Variants in MYH1 observed in about 807,000 individuals in gnomAD.
MYH1 encodes the protein myosin heavy chain 1, also known as myosin-1.
In MYH1, 214 loss-of-function variants were observed where a neutral mutation model predicts 225.6. That is an observed-to-expected ratio of 0.95 (90% CI 0.85 to 1.06). MYH1 has a LOEUF of 1.06. Among genes scored for constraint, MYH1 ranks in the 50% least tolerant of loss-of-function variants. The probability of loss-of-function intolerance (pLI) is 0.00; values close to 1 mark genes in which losing one functional copy is unlikely to be tolerated. For missense variants in MYH1, 2,098 were observed against 2,344.2 expected (o/e 0.89, Z 2.17); for synonymous variants, 774 against 842.3 (o/e 0.92, Z 1.40).
chr17:10,496,004 G>A lies in MYH1; in HGVS notation c.5115C>T (p.Ile1705=), dbSNP rs145122906. 13 of 1,614,028 alleles carry A rather than the reference G, an allele frequency of 8.1e-6. No individual in the cohort carries two copies. In the South Asian group the frequency reaches 9.9e-5, roughly 12 times the overall value. ...TGGCATCCAGGAGCTCCTGTTCTGC[G>A]ATTTTCCTGCTCCTCTCTGTCTGTT... ...TLEQTERSRK[I]AEQELLDASE... is the part of the protein sequence containing the mutation. The change falls in exon 35 of 40, where the codon ATC becomes ATT. Residue 1705 remains isoleucine (I), a synonymous_variant. Transcript: ENST00000226207.
Position 10,492,420 on chromosome 17 carries a change from T to C in MYH1, c.5816A>G (p.Glu1939Gly), listed in dbSNP as rs985793688. The change falls in exon 40 of 40, where the codon GAG becomes GGG. Residue 1939 changes from glutamate to glycine, a missense_variant. Coordinates refer to ENST00000226207, the MANE Select transcript of MYH1 (RefSeq NM_005963.4). ...ACCTTTCAGCAGTTAGATAAATTAC[T>C]CTTCACTTATGATTTTTGTGTGAAC... is the stretch of plus-strand genomic sequence containing the variant. Reference protein sequence around the residue: ...REVHTKIISEE With the variant: ...REVHTKIISEG The C allele has an allele frequency of 1.2e-6, 2 of 1,613,794 alleles. No homozygotes were observed. The highest frequency in any genetic ancestry group is 1.7e-6 in the Non-Finnish European group (2 of 1,179,918).
Position 10,494,614 on chromosome 17 carries a change from C to G in MYH1, c.5526G>C (p.Lys1842Asn). ...SEQKRNVEAVKGLRKHERKVK... is the reference protein window; with the variant it reads ...SEQKRNVEAVNGLRKHERKVK... The stretch of plus-strand genomic sequence containing the variant: ...CTTTTCTCTCATGTTTGCGTAGACC[C>G]TTGACAGCTTCAACATTGCGCTTCT... The change falls in exon 38 of 40, where the codon AAG becomes AAC. Residue 1842 changes from lysine (K) to asparagine (N), a missense_variant. Transcript: ENST00000226207. 22 of 1,614,066 alleles carry G rather than the reference C, an allele frequency of 1.4e-5. No homozygotes were observed. The highest frequency in any genetic ancestry group is 1.9e-5 in the Non-Finnish European group (22 of 1,180,016).
At chr17:10,506,503 T>G (rs2142269398) in intron 17 of MYH1, among the ~76,000 whole-genome samples, 1 of 152,214 alleles carries the variant, frequency 6.6e-6, no homozygotes, top group South Asian at 2.1e-4. Flanking sequence ...CTTCTTTTTT[T>G]TTTTTCTGAG....
chr17:10,509,695 A>G, intron 14 of MYH1, 40 bp from the exon 15 acceptor site: 2 of 1,614,170 alleles, frequency 1.2e-6, no homozygotes, highest in Non-Finnish European at 1.7e-6. Context: ...TCAATTTATA[A>G]TGAAATCTTC....
chr17:10,503,081 T>C lies in MYH1; in HGVS notation c.2859A>G (p.Glu953=). ...KKRKLEDECS[E]LKKDIDDLEL... ...CAAGGTCATCAATGTCTTTCTTGAG[T>C]TCTGAACATTCATCCTCCAGTTTCC... The change falls in exon 23 of 40, where the codon GAA becomes GAG. Residue 953 remains glutamate (E), a synonymous_variant. Coordinates refer to ENST00000226207, the MANE Select transcript of MYH1 (RefSeq NM_005963.4). The C allele has an allele frequency of 1.9e-6, 3 of 1,612,818 alleles. No individual in the cohort carries two copies. The highest frequency in any genetic ancestry group is 2.5e-6 in the Non-Finnish European group (3 of 1,178,946).
At position 10,500,676 on chromosome 17, in the gene MYH1, C is replaced by T. The variant is rs554558885; in HGVS notation, c.3815G>A (p.Arg1272Gln). 2.2e-5 allele frequency: 35 copies of T among 1,613,994 alleles called. No individual in the cohort carries two copies. The highest frequency in any genetic ancestry group is 8.9e-5 in the East Asian group (4 of 44,876). ...EIKTKEEEQQRLINDLTAQRA... is the reference protein window; with the variant it reads ...EIKTKEEEQQQLINDLTAQRA... ...CTGTGCTGTGAGGTCATTGATCAGC[C>T]GCTGCTGCTCCTCTTCCTTGGTCTT... The change falls in exon 28 of 40, where the codon CGG (arginine) becomes CAG (glutamine). Residue 1272 changes from arginine to glutamine, a missense_variant. Coordinates refer to ENST00000226207, the MANE Select transcript of MYH1 (RefSeq NM_005963.4).
At chr17:10,497,485 G>A in intron 31 of MYH1, 33 bp from the exon 32 acceptor site, 4 of 1,584,180 alleles carry the variant, frequency 2.5e-6, no homozygotes, top group Non-Finnish European at 3.4e-6. Flanking sequence ...GAAATTTAGT[G>A]GACAAAATTT....
intron 9 of MYH1, among the ~76,000 whole-genome samples, chr17:10,513,201 T>C (rs1194932227): frequency 6.6e-6 from 1 of 152,156 alleles, no homozygotes; most frequent in Admixed American, 6.6e-5. Context: ...AGAAGATCCT[T>C]GACATTTGGA....
Position 10,497,095 on chromosome 17 carries a change from G to T in MYH1, c.4630C>A (p.Leu1544Ile). The change falls in exon 33 of 40, where the codon CTT becomes ATT. Residue 1544 changes from leucine to isoleucine, a missense_variant. Physicochemically the swap from Leu to Ile is conservative, Grantham distance 5. Coordinates refer to ENST00000226207, the MANE Select transcript of MYH1 (RefSeq NM_005963.4). ...KKQVEQEKSE[L>I]QAALEEAEAS... ...TCTGCCTCCTCTAAGGCAGCCTGAA[G>T]TTCAGACTTTTCTTGCTCAACTTGC... is the stretch of plus-strand genomic sequence containing the variant. 1 of 1,614,030 alleles carries T rather than the reference G, an allele frequency of 6.2e-7. No homozygotes were observed. Among genetic ancestry groups the T allele is most frequent in the Non-Finnish European group, 8.5e-7 (1 of 1,180,010 alleles).
chr17:10,513,716 ACC>A, intron 8 of MYH1, 27 bp from the exon 9 acceptor site: 1 of 1,613,490 alleles, frequency 6.2e-7, no homozygotes, highest in African/African-American at 1.3e-5. Flanking sequence ...ATGATGTTAT[ACC>A]CAAAGCTTGA....
At chr17:10,509,812 T>C (rs536543232) in intron 14 of MYH1, among the ~76,000 whole-genome samples, 157 bp from the exon 15 acceptor site, 2 of 152,224 alleles carry the variant, frequency 1.3e-5, no homozygotes, top group Non-Finnish European at 2.9e-5. Flanking sequence ...GTTAGCATAC[T>C]TGTTAAAATT....
rs2073093154 is a variant in MYH1 at position 10,504,861 on chromosome 17, T to G, written c.2640A>C (p.Lys880Asn). ...TEAKRKELEE[K>N]MVTLMQEKND... is the part of the protein sequence containing the mutation. Reference sequence around the variant, plus strand: ...TTTTTTCTTGCATCAGAGTAACCATTTTTTCTTCCAGCTCTTTCCTTTTTG... The same window carrying G: ...TTTTTTCTTGCATCAGAGTAACCATGTTTTCTTCCAGCTCTTTCCTTTTTG... Residue 880 changes from lysine to asparagine, a missense_variant, in exon 22 of 40, where the codon AAA becomes AAC. Transcript: ENST00000226207. The G allele has an allele frequency of 6.2e-7, 1 of 1,614,052 alleles. No individual in the cohort carries two copies. Among genetic ancestry groups the G allele is most frequent in the African/African-American group, 1.3e-5 (1 of 74,926 alleles).
chr17:10,516,482 C>T lies in MYH1; in HGVS notation c.161G>A (p.Ser54Asn). The part of the protein sequence containing the change: ...KESFVKATVQ[S>N]REGGKVTAKT... The stretch of plus-strand genomic sequence containing the variant: ...AGCTGTCACCTTCCCCCCTTCCCTG[C>T]TCTGCACTGTTGCTTTCACAAAGGA... Residue 54 changes from serine to asparagine, a missense_variant, in exon 3 of 40, where the codon AGC becomes AAC. Coordinates refer to ENST00000226207, the MANE Select transcript of MYH1 (RefSeq NM_005963.4). The T allele has an allele frequency of 1.3e-5, 21 of 1,614,236 alleles. No individual in the cohort carries two copies. The highest frequency in any genetic ancestry group is 1.7e-5 in the Non-Finnish European group (20 of 1,180,044).
chr17:10,500,425 T>C (rs2073039632), intron 28 of MYH1, among the ~76,000 whole-genome samples: 1 of 151,342 alleles, frequency 6.6e-6, no homozygotes, highest in African/African-American at 2.4e-5. Context: ...TATATATGTT[T>C]CATATATATA....
Position 10,494,369 on chromosome 17 carries a change from T to C in MYH1, c.5652A>G (p.Arg1884=). 6.2e-7 allele frequency: 1 copy of C among 1,614,172 alleles called. No individual in the cohort carries two copies. The highest frequency in any genetic ancestry group is 8.5e-7 in the Non-Finnish European group (1 of 1,180,028). Residue 1884 remains arginine, a synonymous_variant, in exon 39 of 40, where the codon AGA becomes AGG. Transcript: ENST00000226207. ...GTGAACTCACCGCTTCTTCAGCTTG[T>C]CTCTTGTAGGATTTCACCTTTGCTT... ...KLQAKVKSYK[R]QAEEAEEQSN...
intron 14 of MYH1, among the ~76,000 whole-genome samples, chr17:10,509,916 C>T (rs1483116394): frequency 3.3e-5 from 5 of 152,072 alleles, no homozygotes; most frequent in African/African-American, 9.7e-5. Context: ...TCTTAGCAAA[C>T]TAACGCAGGA....
At position 10,497,399 on chromosome 17, in the gene MYH1, A is replaced by C. The variant is rs766031687; in HGVS notation, c.4419T>G (p.Ala1473=). 1 of 1,613,386 alleles carries C rather than the reference A, an allele frequency of 6.2e-7. No individual in the cohort carries two copies. Among genetic ancestry groups the C allele is most frequent in the African/African-American group, 1.3e-5 (1 of 74,922 alleles). ...KCEETHAELE[A]SQKESRSLST... ...TGAGTGAGCGGGATTCCTTTTGAGA[A>C]GCTTCAAGTTCAGCATGAGTTTCTT... Residue 1473 remains alanine, a synonymous_variant, in exon 32 of 40, where the codon GCT becomes GCG. Coordinates refer to ENST00000226207, the MANE Select transcript of MYH1 (RefSeq NM_005963.4).
At chr17:10,515,052 A>G (rs1246063170) in intron 5 of MYH1, among the ~76,000 whole-genome samples, 157 bp from the exon 6 acceptor site, 1 of 152,206 alleles carries the variant, frequency 6.6e-6, no homozygotes, top group Non-Finnish European at 1.5e-5. Context: ...GGTTTAATAT[A>G]AAGAGCAGTA....
chr17:10,499,561 A>G (rs1379992185), intron 28 of MYH1, among the ~76,000 whole-genome samples: 2 of 152,196 alleles, frequency 1.3e-5, no homozygotes, highest in Non-Finnish European at 2.9e-5. Flanking sequence ...AAAGATTTTT[A>G]TATTAAGAAA....
Sources: allele counts gnomAD v4.1 joint callset (sites outside exome capture counted in the v4.1 genomes callset), GRCh38; gene constraint gnomAD v4.1.1; transcripts MANE v1.5; gene names NCBI Gene and HGNC (gene_info 2026-07-23, HGNC 2026-07-21).